The following PRKG1 variants were observed in gnomAD, a reference collection of about 807,000 sequenced individuals.
The protein encoded by PRKG1 is cGMP-dependent protein kinase 1.
A neutral mutation model predicts 88.1 loss-of-function variants in PRKG1; 35 were observed. That is an observed-to-expected ratio of 0.40 (90% CI 0.30 to 0.53). PRKG1 has a LOEUF of 0.53. Ranked by LOEUF, PRKG1 falls within the 20% of genes least tolerant of loss-of-function variation. PRKG1 has a pLI of 0.59. For missense variants in PRKG1, 540 were observed against 839.8 expected, an observed-to-expected ratio of 0.64 and a Z score of 4.41; for synonymous variants, 303 against 292.5, an observed-to-expected ratio of 1.04 and a Z score of -0.37.
chr10:51,041,300 C>G (rs1843418129), intron 1 of PRKG1, among the ~76,000 whole-genome samples: 1 of 152,102 alleles, frequency 6.6e-6, no homozygotes, highest in African/African-American at 2.4e-5. Context: ...CAGGAGCCTG[C>G]TTGGTGCTCT....
intron 5 of PRKG1, among the ~76,000 whole-genome samples, chr10:51,959,676 G>A (rs1353845869): frequency 6.6e-6 from 1 of 152,094 alleles, no homozygotes; most frequent in Non-Finnish European, 1.5e-5. Context: ...AATAGAATAG[G>A]GAGAGAGTTT....
chr10:51,352,945 A>G (rs1842284980), intron 2 of PRKG1, among the ~76,000 whole-genome samples: 1 of 152,082 alleles, frequency 6.6e-6, no homozygotes, highest in Non-Finnish European at 1.5e-5. Flanking sequence ...AAAATAAAAC[A>G]GACACAAAGA....
At chr10:52,039,315 G>A (rs558771496) in intron 5 of PRKG1, among the ~76,000 whole-genome samples, 80 of 152,112 alleles carry the variant, frequency 5.3e-4, no homozygotes, top group African/African-American at 1.4e-3. Flanking sequence ...AGTGGGGGTC[G>A]CAAGGTGCTC....
chr10:51,687,840 T>G (rs907726810), intron 3 of PRKG1, among the ~76,000 whole-genome samples: 7 of 152,186 alleles, frequency 4.6e-5, no homozygotes, highest in African/African-American at 1.4e-4. Flanking sequence ...ACAAAATACA[T>G]TCAGGTGTCT....
At chr10:51,996,435 T>C (rs1844445658) in intron 5 of PRKG1, among the ~76,000 whole-genome samples, 1 of 145,304 alleles carries the variant, frequency 6.9e-6, no homozygotes, top group African/African-American at 2.6e-5. Flanking sequence ...TCAATAGTAA[T>C]AAAGCAAATA....
At chr10:52,023,744 C>T (rs934994776) in intron 5 of PRKG1, among the ~76,000 whole-genome samples, 2 of 152,184 alleles carry the variant, frequency 1.3e-5, no homozygotes, top group Non-Finnish European at 2.9e-5. Flanking sequence ...ATATCCTTCG[C>T]TCACTTTTTG....
At chr10:52,134,161 T>C (rs1460030175) in intron 8 of PRKG1, among the ~76,000 whole-genome samples, 2 of 152,174 alleles carry the variant, frequency 1.3e-5, no homozygotes, top group African/African-American at 2.4e-5. Context: ...GGTAATGAAA[T>C]ATCATACAGA....
intron 2 of PRKG1, among the ~76,000 whole-genome samples, chr10:51,304,311 A>G (rs1447366739): frequency 1.3e-5 from 2 of 152,188 alleles, no homozygotes; most frequent in Admixed American, 1.3e-4. Context: ...ATATTAAAAA[A>G]TCAATTTGAA....
intron 3 of PRKG1, among the ~76,000 whole-genome samples, chr10:51,515,004 C>T (rs114731247): frequency 0.014 from 2,188 of 152,202 alleles, 70 homozygotes; most frequent in African/African-American, 0.051. Flanking sequence ...TCAGTAGTAT[C>T]CTTCCCCCAG....
At chr10:52,186,130 G>A (rs1474341647) in intron 9 of PRKG1, among the ~76,000 whole-genome samples, 1 of 152,174 alleles carries the variant, frequency 6.6e-6, no homozygotes, top group Non-Finnish European at 1.5e-5. Flanking sequence ...AATTTATAAA[G>A]AAAAGAGATT....
chr10:51,803,993 G>T (rs145566694), intron 3 of PRKG1, among the ~76,000 whole-genome samples: 1 of 152,062 alleles, frequency 6.6e-6, no homozygotes, highest in Non-Finnish European at 1.5e-5. Flanking sequence ...GTGCATAAGA[G>T]AATAAATTAA....
intron 2 of PRKG1, among the ~76,000 whole-genome samples, chr10:51,402,212 G>T (rs1043365023): frequency 6.6e-6 from 1 of 152,168 alleles, no homozygotes; most frequent in Non-Finnish European, 1.5e-5. Context: ...GGATCCATGT[G>T]TTCCTTATCT....
At chr10:51,889,471 T>G (rs951184608) in intron 4 of PRKG1, among the ~76,000 whole-genome samples, 11 of 152,142 alleles carry the variant, frequency 7.2e-5, no homozygotes, top group Admixed American at 2.0e-4. Context: ...GATGGACATT[T>G]GAGTTGGTTC....
chr10:51,600,447 T>C (rs1838568566), intron 3 of PRKG1, among the ~76,000 whole-genome samples: 1 of 152,156 alleles, frequency 6.6e-6, no homozygotes, highest in African/African-American at 2.4e-5. Context: ...AATATGAGCA[T>C]CTGCTAACCA....
intron 3 of PRKG1, among the ~76,000 whole-genome samples, chr10:51,705,610 G>A (rs779092957): frequency 3.9e-5 from 6 of 152,100 alleles, no homozygotes; most frequent in Non-Finnish European, 5.9e-5. Context: ...CTTTATAAAG[G>A]CAAACTCTGA....
intron 7 of PRKG1, among the ~76,000 whole-genome samples, chr10:52,125,491 C>T (rs984362995): frequency 6.6e-6 from 1 of 152,088 alleles, no homozygotes; most frequent in African/African-American, 2.4e-5. Flanking sequence ...ATTAGAGTAG[C>T]CCTCACTTAT....
intron 1 of PRKG1, among the ~76,000 whole-genome samples, chr10:51,114,549 T>C (rs1429524594): frequency 2.0e-5 from 3 of 152,138 alleles, no homozygotes; most frequent in Non-Finnish European, 4.4e-5. Context: ...AATAACACTT[T>C]TCCTTTTTTC....
chr10:51,596,195 A>G (rs1838444238), intron 3 of PRKG1, among the ~76,000 whole-genome samples: 1 of 152,186 alleles, frequency 6.6e-6, no homozygotes, highest in African/African-American at 2.4e-5. Flanking sequence ...AACCAGAACT[A>G]TGTATCTTTT....
intron 2 of PRKG1, among the ~76,000 whole-genome samples, chr10:51,349,450 T>G (rs555422154): frequency 1.0e-5 from 1 of 98,538 alleles, no homozygotes; most frequent in African/African-American, 4.1e-5. Context: ...TGAGTTCATA[T>G]TGTTTGTGTG....
Sources: gnomAD v4.1 joint callset for allele counts (sites outside exome capture counted in the v4.1 genomes callset) on GRCh38, gnomAD v4.1.1 for gene constraint, MANE v1.5 for transcripts, NCBI Gene and HGNC (gene_info 2026-07-23, HGNC 2026-07-21) for gene names.